Variants in MTREX observed in about 807,000 individuals in gnomAD.
MTREX encodes Mtr4 exosome RNA helicase, also known as exosome RNA helicase MTR4.
A neutral mutation model predicts 135.4 loss-of-function variants in MTREX; 76 were observed. The observed-to-expected ratio is 0.56, with a 90% CI of 0.47 to 0.68. The LOEUF (loss-of-function observed/expected upper bound fraction) is 0.68. MTREX is among the 30% of genes least tolerant of loss of function. The pLI is 0.00. For synonymous variants in MTREX, 404 were observed against 401.6 expected, an observed-to-expected ratio of 1.01 and a Z score of -0.07; for missense variants, 920 against 1,262.1, an observed-to-expected ratio of 0.73 and a Z score of 4.11.
At chr5:55,424,562 C>T (rs1751117764) in intron 26 of MTREX, 158 bp from the exon 27 acceptor site, 2 of 588,654 alleles carry the variant, frequency 3.4e-6, no homozygotes, top group East Asian at 2.8e-5. Context: ...ACAGAGGTGG[C>T]TGCAAATTCC....
intron 19 of MTREX, 114 bp from the exon 20 acceptor site, chr5:55,397,302 T>A (rs897169440): frequency 1.9e-6 from 1 of 536,040 alleles, no homozygotes; most frequent in East Asian, 2.9e-5. Context: ...GTACTTCTTA[T>A]ACCTGTTACA....
chr5:55,319,008 A>G (rs1749245220), intron 1 of MTREX, among the ~76,000 whole-genome samples: 1 of 152,044 alleles, frequency 6.6e-6, no homozygotes, highest in Admixed American at 6.6e-5. Flanking sequence ...TTAACACTTT[A>G]CCACGTTTAC....
chr5:55,341,782 T>C lies in MTREX; in HGVS notation c.781+11T>C. On this transcript the variant is annotated intron_variant, in intron 7 of 26. Coordinates refer to ENST00000230640, the MANE Select transcript of MTREX (RefSeq NM_015360.5). Reference sequence around the variant, plus strand: ...ATATGAGAGATTCAGGTATATTCAGTGTTGAAATGTATATCATGTATTTCC... The same window carrying C: ...ATATGAGAGATTCAGGTATATTCAGCGTTGAAATGTATATCATGTATTTCC... The C allele has an allele frequency of 7.0e-6, 9 of 1,284,604 alleles. No homozygotes were observed. Among genetic ancestry groups the C allele is most frequent in the Non-Finnish European group, 1.0e-5 (9 of 900,282 alleles). 79.6% of individuals were successfully genotyped at this position (1,284,604 alleles called of 1,614,324 possible).
intron 4 of MTREX, 25 bp downstream of exon 4, chr5:55,327,803 T>G (rs1411756405): frequency 2.5e-5 from 39 of 1,537,636 alleles, no homozygotes; most frequent in Non-Finnish European, 3.5e-5. Flanking sequence ...TAATACAGTT[T>G]ATATAGTTTC....
At chr5:55,391,394 C>T (rs1478773432) in intron 19 of MTREX, among the ~76,000 whole-genome samples, 1 of 152,086 alleles carries the variant, frequency 6.6e-6, no homozygotes, top group Non-Finnish European at 1.5e-5. Flanking sequence ...CTGCAGTGAG[C>T]CGTGACCATG....
intron 1 of MTREX, among the ~76,000 whole-genome samples, chr5:55,318,717 C>T (rs865993392): frequency 8.5e-5 from 13 of 152,212 alleles, no homozygotes; most frequent in Middle Eastern, 3.4e-3. Flanking sequence ...ACCCCCATGA[C>T]GTGTTTACCT....
intron 13 of MTREX, 149 bp downstream of exon 13, chr5:55,351,178 G>A (rs569627971): frequency 1.8e-5 from 17 of 954,176 alleles, no homozygotes; most frequent in East Asian, 3.4e-5. Flanking sequence ...TATATATGAT[G>A]TTATACTTAA....
chr5:55,407,841 C>T (rs1017424219), intron 22 of MTREX, among the ~76,000 whole-genome samples: 5 of 152,172 alleles, frequency 3.3e-5, no homozygotes, highest in Non-Finnish European at 7.3e-5. Context: ...GCAGCCTCAA[C>T]TTGCCAGGCT....
chr5:55,392,749 C>G (rs1382916732), intron 19 of MTREX, among the ~76,000 whole-genome samples: 1 of 152,120 alleles, frequency 6.6e-6, no homozygotes, highest in African/African-American at 2.4e-5. Context: ...ACATGGCCTT[C>G]TAGATTTCCA....
chr5:55,391,288 TAA>T (rs769202206), intron 19 of MTREX, among the ~76,000 whole-genome samples: 3 of 151,460 alleles, frequency 2.0e-5, no homozygotes, highest in Middle Eastern at 3.2e-3. Flanking sequence ...CAAAAATAAA[TAA>T]ATAACAATTA....
rs1750505285 is a variant in MTREX, at chr5:55,387,975, C to G, written c.2054C>G (p.Pro685Arg). The G allele has an allele frequency of 1.3e-6, 2 of 1,578,544 alleles. No individual in the cohort carries two copies. Among genetic ancestry groups the G allele is most frequent in the East Asian group, 2.3e-5 (1 of 44,190 alleles). The stretch of plus-strand genomic sequence containing the variant: ...AACATCTTCTGTTTTGTTTTTTAGC[C>G]TAACTCTGGTGAACTGGATCCTTTG... ...VNFSKKSNVK[P>R]NSGELDPLYV... The change falls in exon 19 of 27, where the codon CCT (proline) becomes CGT (arginine). Residue 685 changes from proline to arginine, a missense_variant and splice_region_variant. Coordinates refer to ENST00000230640, the MANE Select transcript of MTREX (RefSeq NM_015360.5).
chr5:55,392,565 T>A (rs74722953), intron 19 of MTREX, among the ~76,000 whole-genome samples: 8 of 145,316 alleles, frequency 5.5e-5, no homozygotes, highest in African/African-American at 2.1e-4. Context: ...AAAAAAAAAA[T>A]TCCCCAGTCT....
rs768977387 is a variant in MTREX, at chr5:55,350,916, C to T, written c.1321-3C>T. 3 of 1,584,290 alleles carry T rather than the reference C, an allele frequency of 1.9e-6. No individual in the cohort carries two copies. The East Asian group carries it at 6.9e-5, about 36-fold the overall frequency. ...TAAAATCAGTGTTATTCCAAAATCA[C>T]AGGTAGAACATGTACTTCCTCTTTT... On this transcript the variant is annotated splice_polypyrimidine_tract_variant and splice_region_variant and intron_variant, in intron 12 of 26. Coordinates refer to ENST00000230640, the MANE Select transcript of MTREX (RefSeq NM_015360.5).
At chr5:55,345,344 G>A (rs1356530786) in intron 10 of MTREX, 148 bp downstream of exon 10, 3 of 634,474 alleles carry the variant, frequency 4.7e-6, no homozygotes, top group Admixed American at 3.0e-5. Flanking sequence ...TATCTTTTTT[G>A]TATGACATTA....
intron 1 of MTREX, among the ~76,000 whole-genome samples, chr5:55,308,542 A>G (rs768504069): frequency 6.6e-6 from 1 of 152,114 alleles, no homozygotes; most frequent in Non-Finnish European, 1.5e-5. Context: ...AGGGCAGATA[A>G]TAACATGAGA....
chr5:55,369,137 A>G (rs1445869959), intron 16 of MTREX, among the ~76,000 whole-genome samples: 2 of 151,820 alleles, frequency 1.3e-5, no homozygotes, highest in African/African-American at 4.8e-5. Flanking sequence ...TTTATTAAAA[A>G]TAAAAATAAT....
chr5:55,422,076 C>A (rs1357820238), intron 25 of MTREX, among the ~76,000 whole-genome samples: 2 of 152,134 alleles, frequency 1.3e-5, no homozygotes, highest in African/African-American at 4.8e-5. Flanking sequence ...TTCCTACAGA[C>A]TGCATTTTGA....
intron 1 of MTREX, among the ~76,000 whole-genome samples, chr5:55,312,361 G>A (rs1214435487): frequency 6.6e-6 from 1 of 151,834 alleles, no homozygotes; most frequent in Non-Finnish European, 1.5e-5. Context: ...TTTCGTTTCT[G>A]GGTAAATGAG....
At chr5:55,357,585 TC>T (rs1224093454) in intron 14 of MTREX, 1 of 152,594 alleles carries the variant, frequency 6.6e-6, no homozygotes, top group Non-Finnish European at 1.5e-5. Context: ...TAGGCAGTGT[TC>T]CATCTATACC....
Sources: gnomAD v4.1 joint callset for allele counts (sites outside exome capture counted in the v4.1 genomes callset) on GRCh38, gnomAD v4.1.1 for gene constraint, MANE v1.5 for transcripts, NCBI Gene and HGNC (gene_info 2026-07-23, HGNC 2026-07-21) for gene names.